The following TMPRSS2 variants were observed in gnomAD, a reference collection of about 807,000 sequenced individuals.
TMPRSS2 encodes the protein transmembrane protease serine 2.
TMPRSS2 carries 59 observed loss-of-function variants against 67.4 expected under a neutral mutation model. The observed-to-expected ratio is 0.88, with a 90% CI of 0.71 to 1.09. The LOEUF (loss-of-function observed/expected upper bound fraction) is 1.09. TMPRSS2 is among the 50% of genes least tolerant of loss of function. The pLI is 0.00. For synonymous variants in TMPRSS2, 257 were observed against 257.0 expected, an observed-to-expected ratio of 1.00 and a Z score of 0.00; for missense variants, 668 against 642.7, an observed-to-expected ratio of 1.04 and a Z score of -0.43.
rs462574 is a variant in TMPRSS2, at chr21:41,464,802, A to G, written c.*1340T>C. On this transcript the variant is annotated 3_prime_UTR_variant, in exon 14 of 14. Coordinates refer to ENST00000332149, the MANE Select transcript of TMPRSS2 (RefSeq NM_005656.4). Reference sequence around the variant, plus strand: ...TCTCTACAGAGGCATGTGCACAGACAGATCCTGCAAATGGGATTGCATGAC... The same window carrying G: ...TCTCTACAGAGGCATGTGCACAGACGGATCCTGCAAATGGGATTGCATGAC... 0.88 allele frequency: 206,206 copies of G among 233,252 alleles called. 93,673 individuals are homozygous for G. Among genetic ancestry groups the G allele is most frequent in the Non-Finnish European group, 0.97 (115,065 of 118,062 alleles). 14.4% of individuals were successfully genotyped at this position (233,252 alleles called of 1,614,324 possible). A position where few individuals can be genotyped will look rare whatever the true frequency, so the allele number is the denominator to read the frequency against.
chr21:41,498,226 A>G, intron 1 of TMPRSS2, 37 bp from the exon 2 acceptor site: 3 of 1,405,220 alleles, frequency 2.1e-6, no homozygotes, highest in South Asian at 1.2e-5. Context: ...ATATTTCCAT[A>G]CCAGTTAGTT....
intron 1 of TMPRSS2, among the ~76,000 whole-genome samples, chr21:41,504,452 C>G (rs188257146): frequency 5.1e-4 from 77 of 152,340 alleles, no homozygotes; most frequent in African/African-American, 1.8e-3. Flanking sequence ...ACCCACACCC[C>G]TGCCAGAAAA....
At chr21:41,489,772 T>TA (rs1378359207) in intron 3 of TMPRSS2, among the ~76,000 whole-genome samples, 179 bp from the exon 4 acceptor site, 1 of 152,248 alleles carries the variant, frequency 6.6e-6, no homozygotes, top group East Asian at 1.9e-4. Flanking sequence ...TCCATAACAC[T>TA]AAACCTTATG....
In TMPRSS2 at chr21:41,467,766, C is replaced by A. The variant is rs997356304; in HGVS notation, c.1435G>T (p.Val479Leu). 1 of 1,614,216 alleles carries A rather than the reference C, an allele frequency of 6.2e-7. No individual in the cohort carries two copies. The highest frequency in any genetic ancestry group is 1.7e-5 in the Admixed American group (1 of 60,026). ...TGTCGATAAATCCAGTCCGTGAATA[C>A]CATCACATTCCCGTACACTCCTGGT... ...YRPGVYGNVM[V>L]FTDWIYRQMR... Residue 479 changes from valine (V) to leucine (L), a missense_variant, in exon 13 of 14, where the codon GTA (valine) becomes TTA (leucine). Coordinates refer to ENST00000332149, the MANE Select transcript of TMPRSS2 (RefSeq NM_005656.4).
At chr21:41,503,056 T>G (rs1277088273) in intron 1 of TMPRSS2, among the ~76,000 whole-genome samples, 1 of 152,188 alleles carries the variant, frequency 6.6e-6, no homozygotes, top group East Asian at 1.9e-4. Flanking sequence ...AATCTATGTG[T>G]TTTTATATAC....
At chr21:41,468,815 G>A in intron 11 of TMPRSS2, 1 of 384,774 alleles carries the variant, frequency 2.6e-6, no homozygotes, top group Non-Finnish European at 4.8e-6. Flanking sequence ...TCAGTGCCAT[G>A]GAATCCCCCT....
Position 41,494,471 on chromosome 21 carries a change from CG to C in TMPRSS2, c.122del (p.Pro41ArgfsTer17). On this transcript the variant is annotated frameshift_variant, in exon 3 of 14. Coordinates refer to ENST00000332149, the MANE Select transcript of TMPRSS2 (RefSeq NM_005656.4). LOFTEE classifies it high-confidence loss of function. ...TVVPTVYEVH[P>X]AQYYPSPVPQ... ...GCACGGGGGACGGGTAGTACTGAGC[CG>C]GATGCACCTCGTAGACAGTGGGGAC... The C allele has an allele frequency of 6.2e-7, 1 of 1,613,996 alleles. No individual in the cohort carries two copies. Among genetic ancestry groups the C allele is most frequent in the East Asian group, 2.2e-5 (1 of 44,882 alleles).
In TMPRSS2 at chr21:41,495,779, G is replaced by A. The variant is rs192019778; in HGVS notation, c.16-1201C>T. ...ATGGCAGCAAAGCTCTGGGGCCCCT[G>A]ACCCACTCAAGACGTACAGACTCAA... On this transcript the variant is annotated intron_variant, in intron 2 of 13. Transcript: ENST00000332149. 3.8e-4 allele frequency among the ~76,000 whole-genome samples: 58 copies of A among 152,146 alleles called. 1 individual carries two copies. Among genetic ancestry groups the A allele is most frequent in the Non-Finnish European group, 7.4e-5 (5 of 68,008 alleles).
In TMPRSS2 at chr21:41,508,103, C is replaced by T; in HGVS notation, c.-79G>A. 1.7e-6 allele frequency: 2 copies of T among 1,186,176 alleles called. No homozygotes were observed. Among genetic ancestry groups the T allele is most frequent in the Non-Finnish European group, 2.2e-6 (2 of 924,120 alleles). The allele number at this position is 1,186,176 out of a possible 1,614,324, so 73.5% of individuals were successfully genotyped here. On this transcript the variant is annotated 5_prime_UTR_variant, in exon 1 of 14. Coordinates refer to ENST00000332149, the MANE Select transcript of TMPRSS2 (RefSeq NM_005656.4). The stretch of plus-strand genomic sequence containing the variant: ...CACCTGCCGCGCTCCAGGCGGCGCT[C>T]CCCGCCCCTCGCCCTCCGCCTCCGC...
intron 5 of TMPRSS2, chr21:41,488,162 G>C: frequency 4.7e-6 from 2 of 424,656 alleles, no homozygotes; most frequent in Non-Finnish European, 8.7e-6. Context: ...AGCACGTGTG[G>C]TTCCAATGAC....
intron 11 of TMPRSS2, chr21:41,468,900 C>T (rs140428704): frequency 1.7e-3 from 385 of 229,600 alleles, no homozygotes; most frequent in Admixed American, 2.7e-3. Flanking sequence ...GACACACAGG[C>T]GCCTGTTTCC....
rs1365419816 is a variant in TMPRSS2 at position 41,498,177 on chromosome 21, T to C, written c.-44A>G. The stretch of plus-strand genomic sequence containing the variant: ...ATCGAGTAATGATAGGTATCTGGAA[T>C]GTTCAATATGACCTAGAAGAAAGAA... On this transcript the variant is annotated 5_prime_UTR_variant, in exon 2 of 14. Coordinates refer to ENST00000332149, the MANE Select transcript of TMPRSS2 (RefSeq NM_005656.4). The C allele has an allele frequency of 2.5e-6, 4 of 1,611,276 alleles. No individual in the cohort carries two copies. In the South Asian group the frequency reaches 4.4e-5, roughly 18 times the overall value.
At chr21:41,500,366 T>C (rs558858943) in intron 1 of TMPRSS2, among the ~76,000 whole-genome samples, 15 of 152,326 alleles carry the variant, frequency 9.8e-5, no homozygotes, top group African/African-American at 3.1e-4. Flanking sequence ...AAGAGGGCTG[T>C]CTTGATTCGC....
intron 2 of TMPRSS2, among the ~76,000 whole-genome samples, chr21:41,497,061 G>A (rs899360161): frequency 4.6e-5 from 7 of 151,918 alleles, no homozygotes; most frequent in Non-Finnish European, 7.4e-5. Context: ...GGCTGGTCTC[G>A]AACTCCCAAC....
chr21:41,494,514 G>C lies in TMPRSS2; in HGVS notation c.80C>G (p.Pro27Arg), dbSNP rs770444484. The change falls in exon 3 of 14, where the codon CCC (proline) becomes CGC (arginine). Residue 27 changes from proline to arginine, a missense_variant. Coordinates refer to ENST00000332149, the MANE Select transcript of TMPRSS2 (RefSeq NM_005656.4). ...NHGYQPENPYPAQPTVVPTVY... is the reference protein window; with the variant it reads ...NHGYQPENPYRAQPTVVPTVY... Reference sequence around the variant, plus strand: ...AGTGGGGACCACAGTGGGCTGTGCGGGATAGGGGTTTTCCGGTTGGTATCC... The same window carrying C: ...AGTGGGGACCACAGTGGGCTGTGCGCGATAGGGGTTTTCCGGTTGGTATCC... 1 of 1,614,084 alleles carries C rather than the reference G, an allele frequency of 6.2e-7. No homozygotes were observed. The highest frequency in any genetic ancestry group is 8.5e-7 in the Non-Finnish European group (1 of 1,180,012).
intron 1 of TMPRSS2, among the ~76,000 whole-genome samples, chr21:41,500,456 T>G (rs2091416574): frequency 6.6e-6 from 1 of 152,208 alleles, no homozygotes; most frequent in Non-Finnish European, 1.5e-5. Flanking sequence ...CCGGCTTCAG[T>G]ACACCATCGC....
intron 4 of TMPRSS2, 57 bp from the exon 5 acceptor site, chr21:41,488,570 A>G (rs1293089120): frequency 1.2e-5 from 19 of 1,553,762 alleles, no homozygotes. Context: ...AATGAGCCTC[A>G]TGGAGTGAGG....
chr21:41,502,257 G>A (rs149270377), intron 1 of TMPRSS2, among the ~76,000 whole-genome samples: 237 of 152,288 alleles, frequency 1.6e-3, no homozygotes, highest in African/African-American at 4.9e-3. Flanking sequence ...CTCAGGACAC[G>A]TTTACTGGAG....
At chr21:41,475,389 T>G (rs1169236654) in intron 8 of TMPRSS2, among the ~76,000 whole-genome samples, 5 of 29,626 alleles carry the variant, frequency 1.7e-4, no homozygotes, top group Admixed American at 4.8e-4. Flanking sequence ...AGTGAGGGGG[T>G]GAGGGGTTGA....
Sources: allele counts gnomAD v4.1 joint callset (sites outside exome capture counted in the v4.1 genomes callset), GRCh38; gene constraint gnomAD v4.1.1; transcripts MANE v1.5; gene names NCBI Gene and HGNC (gene_info 2026-07-23, HGNC 2026-07-21).